The following ZDHHC6 variants were observed in gnomAD, a reference collection of about 807,000 sequenced individuals.
ZDHHC6 encodes the protein zDHHC palmitoyltransferase 6, also known as palmitoyltransferase ZDHHC6.
In ZDHHC6, 32 loss-of-function variants were observed where a neutral mutation model predicts 57.8. The ratio of observed to expected loss-of-function variants is 0.55; its 90% CI spans 0.42 to 0.74. ZDHHC6 has a LOEUF of 0.74. ZDHHC6 is among the 30% of genes least tolerant of loss of function. The pLI, the probability that ZDHHC6 is intolerant of heterozygous loss-of-function variation, is 0.00. For synonymous variants in ZDHHC6, 128 were observed against 158.0 expected (o/e 0.81, Z 1.42); for missense variants, 433 against 500.7 (o/e 0.86, Z 1.29).
intron 2 of ZDHHC6, among the ~76,000 whole-genome samples, chr10:112,444,114 T>C (rs1399877828): frequency 1.3e-5 from 2 of 152,212 alleles, no homozygotes; most frequent in Non-Finnish European, 2.9e-5. Flanking sequence ...CCTCTGACTG[T>C]GTCAGACTCT....
chr10:112,430,685 G>T lies in ZDHHC6; in HGVS notation c.*119C>A. ...AAAAATATTTAAATCATGGCACTAG[G>T]GCACCTTTGAGGAAAAGAACATCTT... On this transcript the variant is annotated 3_prime_UTR_variant, in exon 11 of 11. Coordinates refer to ENST00000369405, the MANE Select transcript of ZDHHC6 (RefSeq NM_022494.3). The T allele has an allele frequency of 2.6e-6, 2 of 755,270 alleles. No individual in the cohort carries two copies. The highest frequency in any genetic ancestry group is 2.9e-5 in the East Asian group (1 of 34,164). 46.8% of individuals were successfully genotyped at this position (755,270 alleles called of 1,614,324 possible).
intron 3 of ZDHHC6, 28 bp downstream of exon 3, chr10:112,443,487 C>G (rs1292263726): frequency 6.3e-7 from 1 of 1,598,012 alleles, no homozygotes; most frequent in Admixed American, 1.7e-5. Flanking sequence ...TTGATCAGTC[C>G]TCGCTGAACA....
At chr10:112,443,379 C>T (rs1342805826) in intron 3 of ZDHHC6, 136 bp downstream of exon 3, 2 of 620,616 alleles carry the variant, frequency 3.2e-6, no homozygotes, top group African/African-American at 1.9e-5. Context: ...ATTATGGACA[C>T]AAGTATTCTG....
In ZDHHC6 at chr10:112,438,356, C is replaced by T. The variant is rs1225449399; in HGVS notation, c.715G>A (p.Glu239Lys). The stretch of plus-strand genomic sequence containing the variant: ...TTTACCTTCTCTTCAATCCATGACT[C>T]AATAGAAGTTTTGTTTCTGAGAATT... ...KIILRNKTSI[E>K]SWIEEKAKDR... Residue 239 changes from glutamate to lysine, a missense_variant, in exon 6 of 11, where the codon GAG (glutamate) becomes AAG (lysine). Coordinates refer to ENST00000369405, the MANE Select transcript of ZDHHC6 (RefSeq NM_022494.3). 5 of 1,371,196 alleles carry T rather than the reference C, an allele frequency of 3.6e-6. No individual in the cohort carries two copies. Among genetic ancestry groups the T allele is most frequent in the Non-Finnish European group, 4.9e-6 (5 of 1,030,600 alleles). The allele number at this position is 1,371,196 out of a possible 1,614,324, so 84.9% of individuals were successfully genotyped here. A position where few individuals can be genotyped will look rare whatever the true frequency, so the allele number is the denominator to read the frequency against.
chr10:112,430,886 C>G lies in ZDHHC6; in HGVS notation c.1160G>C (p.Trp387Ser), dbSNP rs777242102. The G allele has an allele frequency of 4.6e-5, 74 of 1,613,452 alleles. 3 individuals carry two copies. The highest frequency in any genetic ancestry group is 4.2e-6 in the Non-Finnish European group (5 of 1,179,760). The change falls in exon 11 of 11, where the codon TGG (tryptophan) becomes TCG (serine). Residue 387 changes from tryptophan to serine, a missense_variant. Coordinates refer to ENST00000369405, the MANE Select transcript of ZDHHC6 (RefSeq NM_022494.3). ...CTTTTCCACACATTTTCTAGGGAAC[C>G]AACCCCTTATTCTTGAAACACCTGA... is the stretch of plus-strand genomic sequence containing the variant. ...FIEGVSRIRG[W>S]FPRKCVEKCP... is the part of the protein sequence containing the mutation.
chr10:112,426,629 A>G (rs1040136296), downstream of ZDHHC6: 1 of 667,466 alleles, frequency 1.5e-6, no homozygotes, highest in Non-Finnish European at 2.6e-6. Flanking sequence ...TTTTCTTCTC[A>G]GTTTTTCTTT....
intron 10 of ZDHHC6, among the ~76,000 whole-genome samples, chr10:112,431,802 G>C (rs988114552): frequency 6.6e-6 from 1 of 152,014 alleles, no homozygotes; most frequent in African/African-American, 2.4e-5. Flanking sequence ...TGCTCAAAGT[G>C]GGGGCAGCAA....
intron 3 of ZDHHC6, 86 bp downstream of exon 3, chr10:112,443,429 A>T (rs749795398): frequency 1.7e-6 from 2 of 1,144,740 alleles, no homozygotes; most frequent in Non-Finnish European, 1.3e-6. Context: ...CAGTGAATAG[A>T]AGTAGCACTA....
At chr10:112,443,952 T>C (rs947665166) in intron 2 of ZDHHC6, among the ~76,000 whole-genome samples, 2 of 152,104 alleles carry the variant, frequency 1.3e-5, no homozygotes, top group East Asian at 3.8e-4. Flanking sequence ...TAATCGTGAG[T>C]TGATAGTCCT....
intron 1 of ZDHHC6, among the ~76,000 whole-genome samples, chr10:112,446,203 A>G (rs777980602): frequency 2.6e-5 from 4 of 152,208 alleles, no homozygotes; most frequent in African/African-American, 9.7e-5. Flanking sequence ...AAACATCAAG[A>G]GAACAGTCAA....
At chr10:112,425,257 A>G (rs1844622511) in exon 12 of ZDHHC6, 1 of 1,275,072 alleles carries the variant, frequency 7.8e-7, no homozygotes. Context: ...GAGAAGAAAG[A>G]TGACTGTGAC....
chr10:112,428,519 C>T, downstream of ZDHHC6: 1 of 397,352 alleles, frequency 2.5e-6, no homozygotes. Context: ...GACACTAATG[C>T]CCAGCACTTT....
At chr10:112,439,912 G>A (rs1343701114) in intron 5 of ZDHHC6, among the ~76,000 whole-genome samples, 1 of 152,000 alleles carries the variant, frequency 6.6e-6, no homozygotes, top group Non-Finnish European at 1.5e-5. Context: ...CTGTTATGGA[G>A]ATTAAATGAG....
At chr10:112,436,847 AAC>A (rs1845580625) in intron 6 of ZDHHC6, among the ~76,000 whole-genome samples, 1 of 152,216 alleles carries the variant, frequency 6.6e-6, no homozygotes, top group African/African-American at 2.4e-5. Context: ...CTTTATTTTT[AAC>A]AGTCTGTGTG....
chr10:112,434,502 G>C, intron 6 of ZDHHC6, 38 bp from the exon 7 acceptor site: 3 of 1,583,036 alleles, frequency 1.9e-6, no homozygotes, highest in Non-Finnish European at 2.6e-6. Context: ...AGGTGCCTCT[G>C]TCTAAGTGGC....
At chr10:112,434,169 G>T in intron 7 of ZDHHC6, 128 bp downstream of exon 7, 2 of 892,444 alleles carry the variant, frequency 2.2e-6, no homozygotes, top group Non-Finnish European at 3.3e-6. Context: ...AGAATTATTA[G>T]ATTCATTTTG....
At chr10:112,447,020 C>T (rs1846838465), upstream of ZDHHC6, 3 of 279,506 alleles carry the variant, frequency 1.1e-5, no homozygotes, top group South Asian at 6.5e-5. Flanking sequence ...CGTGTGGATC[C>T]GGAGCCGATT....
At chr10:112,436,192 C>G (rs915611119) in intron 6 of ZDHHC6, among the ~76,000 whole-genome samples, 1 of 152,064 alleles carries the variant, frequency 6.6e-6, no homozygotes, top group African/African-American at 2.4e-5. Context: ...AAAAAGAAGT[C>G]CGCCAGGTGC....
At chr10:112,433,340 G>A (rs1216050648) in intron 7 of ZDHHC6, 59 bp from the exon 8 acceptor site, 10 of 1,385,906 alleles carry the variant, frequency 7.2e-6, no homozygotes, top group Middle Eastern at 1.9e-4. Flanking sequence ...TTGAAAAATC[G>A]CCTTTCCTCA....
Sources: allele counts gnomAD v4.1 joint callset (sites outside exome capture counted in the v4.1 genomes callset), GRCh38; gene constraint gnomAD v4.1.1; transcripts MANE v1.5; gene names NCBI Gene and HGNC (gene_info 2026-07-23, HGNC 2026-07-21).